SPATC1: variants seen among roughly 807,000 people sequenced by gnomAD.
SPATC1 encodes the protein speriolin.
Under a neutral mutation model 36.5 loss-of-function variants are expected in SPATC1, and 35 were observed. That is an observed-to-expected ratio of 0.96 (90% confidence interval 0.73 to 1.27). The LOEUF is 1.27. SPATC1 is among the 50% of genes most tolerant of loss of function. The probability of loss-of-function intolerance (pLI) is 0.00; values close to 1 mark genes in which losing one functional copy is unlikely to be tolerated. For synonymous variants in SPATC1, 361 were observed against 353.6 expected (o/e 1.02, Z -0.24); for missense variants, 779 against 796.0 (o/e 0.98, Z 0.26).
intron 1 of SPATC1, among the ~76,000 whole-genome samples, chr8:144,023,806 C>CCTCA (rs1834607588): frequency 0.056 from 15 of 270 alleles, 7 homozygotes; most frequent in Admixed American, 0.23. Flanking sequence ...CTCTAGAACC[C>CCTCA]TGTCCCTGTC....
Position 144,039,959 on chromosome 8 carries a change from G to T in SPATC1, c.262G>T (p.Glu88Ter), listed in dbSNP as rs199949316. The T allele has an allele frequency of 9.4e-5, 152 of 1,613,864 alleles. No homozygotes were observed. Among genetic ancestry groups the T allele is most frequent in the Non-Finnish European group, 1.1e-4 (132 of 1,179,996 alleles). The change falls in exon 2 of 5, where the codon GAA becomes TAA. Residue 88 changes from glutamate to a stop codon, truncating the protein, a stop_gained. Coordinates refer to ENST00000377470, the MANE Select transcript of SPATC1 (RefSeq NM_198572.3). LOFTEE classifies it high-confidence loss of function. ...AGTGGCAAACGAACGAGTCCTCGAAGAAGTGGGGATCATGGCCTTGGCACC... is the reference window on the plus strand; with the variant it reads ...AGTGGCAAACGAACGAGTCCTCGAATAAGTGGGGATCATGGCCTTGGCACC... Reference protein sequence around the residue: ...PAVANERVLEEVGIMALAPLA... With the variant: ...PAVANERVLE
rs1287569600 is a variant in SPATC1 at position 144,024,186 on chromosome 8, C to T, written c.211+11460C>T. On this transcript the variant is annotated intron_variant, in intron 1 of 4. Coordinates refer to ENST00000377470, the MANE Select transcript of SPATC1 (RefSeq NM_198572.3). ...GACCCTCTCCCGTTAGGACCCTCTC[C>T]CTTCAGGACTCTCTTCCCTCAGGAC... Among the ~76,000 whole-genome samples, 6 of 151,168 alleles carry T rather than the reference C, an allele frequency of 4.0e-5. No individual in the cohort carries two copies. In the East Asian group the frequency reaches 1.2e-3, roughly 30 times the overall value.
At chr8:144,035,084 T>C (rs1457165766) in intron 1 of SPATC1, among the ~76,000 whole-genome samples, 2 of 148,330 alleles carry the variant, frequency 1.3e-5, no homozygotes, top group African/African-American at 5.3e-5. Flanking sequence ...GAACAATTTT[T>C]CCGTGGTTTG....
rs1835033320 is a variant in SPATC1, at chr8:144,040,222, G to A, written c.525G>A (p.Val175=). 6.2e-7 allele frequency: 1 copy of A among 1,612,866 alleles called. No individual in the cohort carries two copies. The highest frequency in any genetic ancestry group is 8.5e-7 in the Non-Finnish European group (1 of 1,179,902). ...LTPSSLVAGP[V]AMSQSSPLIA... ...CCAGCAGCCTCGTGGCAGGCCCTGT[G>A]GCCATGTCCCAGAGCAGCCCCCTGA... The change falls in exon 2 of 5, where the codon GTG becomes GTA. Residue 175 remains valine, a synonymous_variant. Transcript: ENST00000377470.
At chr8:144,015,634 C>G (rs147599842) in intron 1 of SPATC1, among the ~76,000 whole-genome samples, 1 of 146,344 alleles carries the variant, frequency 6.8e-6, no homozygotes, top group Non-Finnish European at 1.5e-5. Flanking sequence ...CCCAGCTACT[C>G]GGGAGTCTGA....
Position 144,040,075 on chromosome 8 carries a change from T to A in SPATC1, c.378T>A (p.Ser126=), listed in dbSNP as rs1554755435. 1 of 1,612,762 alleles carries A rather than the reference T, an allele frequency of 6.2e-7. No individual in the cohort carries two copies. The highest frequency in any genetic ancestry group is 8.5e-7 in the Non-Finnish European group (1 of 1,179,922). ...PLTGTLSTLL[S]GPAPTSQSSP... is the part of the protein sequence containing the mutation. Reference sequence around the variant, plus strand: ...CAGGCACCCTCAGCACGCTGCTGTCTGGCCCAGCACCCACGTCACAGAGCA... The same window carrying A: ...CAGGCACCCTCAGCACGCTGCTGTCAGGCCCAGCACCCACGTCACAGAGCA... The change falls in exon 2 of 5, where the codon TCT becomes TCA. Residue 126 remains serine, a synonymous_variant. Transcript: ENST00000377470.
At chr8:144,042,850 T>G (rs190671672) in intron 4 of SPATC1, among the ~76,000 whole-genome samples, 3 of 151,856 alleles carry the variant, frequency 2.0e-5, no homozygotes, top group Non-Finnish European at 4.4e-5. Context: ...CCTTTCCCTA[T>G]TGCAATTTTT....
chr8:144,032,337 G>T (rs1241141085), intron 1 of SPATC1, among the ~76,000 whole-genome samples: 1 of 152,104 alleles, frequency 6.6e-6, no homozygotes, highest in Admixed American at 6.5e-5. Flanking sequence ...GAGTGCAGTG[G>T]CACGATCTTG....
At chr8:144,020,246 T>TGA (rs1834480695) in intron 1 of SPATC1, among the ~76,000 whole-genome samples, 3 of 150,206 alleles carry the variant, frequency 2.0e-5, no homozygotes, top group Admixed American at 6.6e-5. Flanking sequence ...CAGGACACTC[T>TGA]TCCCTGAAGA....
chr8:144,028,077 T>C (rs1834722073), intron 1 of SPATC1, among the ~76,000 whole-genome samples: 1 of 152,068 alleles, frequency 6.6e-6, no homozygotes, highest in African/African-American at 2.4e-5. Context: ...AATACTTAAA[T>C]GTAAAACCCC....
chr8:144,024,911 C>T (rs1234888660), intron 1 of SPATC1, among the ~76,000 whole-genome samples: 2 of 150,798 alleles, frequency 1.3e-5, no homozygotes, highest in Non-Finnish European at 3.0e-5. Context: ...TCCCTAAGGA[C>T]CCTCTCCCCT....
At chr8:144,018,746 G>T (rs995803333) in intron 1 of SPATC1, among the ~76,000 whole-genome samples, 11 of 151,812 alleles carry the variant, frequency 7.2e-5, no homozygotes, top group African/African-American at 2.7e-4. Context: ...GAGTAAAAAT[G>T]GGGGGCTGGG....
chr8:144,040,790 C>A lies in SPATC1; in HGVS notation c.989C>A (p.Pro330His). The A allele has an allele frequency of 1.9e-6, 3 of 1,564,806 alleles. No homozygotes were observed. Among genetic ancestry groups the A allele is most frequent in the East Asian group, 4.7e-5 (2 of 42,654 alleles). The change falls in exon 3 of 5, where the codon CCC (proline) becomes CAC (histidine). Residue 330 changes from proline to histidine, a missense_variant. By Grantham distance (77) the Pro-to-His change is moderately conservative (BLOSUM62 -2). Transcript: ENST00000377470. ...GTCCCCACCTCCCCCACCACCTCCC[C>A]CACGGTCACCGTCCTTGCCTCTGCC... ...ASVPTSPTTS[P>H]TVTVLASAPA... is the part of the protein sequence containing the mutation.
intron 1 of SPATC1, among the ~76,000 whole-genome samples, chr8:144,024,291 G>T (rs1425327738): frequency 7.0e-6 from 1 of 142,542 alleles, no homozygotes; most frequent in East Asian, 2.2e-4. Context: ...TCTCCCTCAA[G>T]ACCCTCTTCC....
At chr8:144,018,635 G>A (rs1834439316) in intron 1 of SPATC1, among the ~76,000 whole-genome samples, 1 of 152,096 alleles carries the variant, frequency 6.6e-6, no homozygotes, top group African/African-American at 2.4e-5. Context: ...GTGAATGCCA[G>A]CTGGTGGGAA....
At chr8:144,014,398 C>CAAT (rs1554752861) in intron 1 of SPATC1, among the ~76,000 whole-genome samples, 1 of 142,976 alleles carries the variant, frequency 7.0e-6, no homozygotes, top group African/African-American at 2.6e-5. Context: ...AGAAGAAGAA[C>CAAT]AAGAAGAAGA....
chr8:144,043,629 G>A (rs1437204082), intron 4 of SPATC1, among the ~76,000 whole-genome samples: 1 of 151,300 alleles, frequency 6.6e-6, no homozygotes, highest in African/African-American at 2.4e-5. Flanking sequence ...ACCTGCCTCG[G>A]TCTCCCAAAG....
chr8:144,047,052 C>T lies in SPATC1; in HGVS notation c.*96C>T, dbSNP rs553342370. 806 of 1,436,238 alleles carry T rather than the reference C, an allele frequency of 5.6e-4. 1 individual carries two copies. Among genetic ancestry groups the T allele is most frequent in the Non-Finnish European group, 7.2e-4 (775 of 1,072,298 alleles). 89.0% of individuals were successfully genotyped at this position (1,436,238 alleles called of 1,614,324 possible). A position where few individuals can be genotyped will look rare whatever the true frequency, so the allele number is the denominator to read the frequency against. The stretch of plus-strand genomic sequence containing the variant: ...ACACTGGTCGCTGGGCCTGTGCCAG[C>T]GCTCCTGGGTGGTGCTGCCTCCTCT... On this transcript the variant is annotated 3_prime_UTR_variant, in exon 5 of 5. Coordinates refer to ENST00000377470, the MANE Select transcript of SPATC1 (RefSeq NM_198572.3). This position sits in a 1 kb window ranked among gnomAD's most constrained non-coding sequence, Gnocchi z 4.1.
chr8:144,027,075 G>C (rs928660492), intron 1 of SPATC1, among the ~76,000 whole-genome samples: 1 of 142,234 alleles, frequency 7.0e-6, no homozygotes, highest in Non-Finnish European at 1.5e-5. Flanking sequence ...CCCATGATCC[G>C]CCTGCCTCAG....
Sources: gnomAD v4.1 joint callset for allele counts (sites outside exome capture counted in the v4.1 genomes callset) on GRCh38, gnomAD v4.1.1 for gene constraint, Gnocchi (gnomAD v3.1) non-coding constraint, MANE v1.5 for transcripts, NCBI Gene and HGNC (gene_info 2026-07-23, HGNC 2026-07-21) for gene names.